BCKDHB: variants seen among roughly 807,000 people sequenced by gnomAD.
The protein encoded by BCKDHB is branched chain keto acid dehydrogenase E1 subunit beta, also known as 2-oxoisovalerate dehydrogenase subunit beta, mitochondrial.
BCKDHB carries 41 observed loss-of-function variants against 48.5 expected under a neutral mutation model. The ratio of observed to expected loss-of-function variants is 0.85; its 90% CI spans 0.66 to 1.10. The LOEUF (loss-of-function observed/expected upper bound fraction) is 1.10, where lower values mean the gene tolerates loss of function less well. Among genes scored for constraint, BCKDHB ranks in the 50% least tolerant of loss-of-function variants. BCKDHB has a pLI of 0.00. For missense variants in BCKDHB, 496 were observed against 494.2 expected (o/e 1.00, Z -0.03); for synonymous variants, 201 against 174.8 (o/e 1.15, Z -1.18).
chr6:80,229,873 GAA>G (rs546649501), intron 8 of BCKDHB, among the ~76,000 whole-genome samples: 147 of 151,864 alleles, frequency 9.7e-4, no homozygotes, highest in African/African-American at 3.5e-3. Flanking sequence ...TTACAAGAAA[GAA>G]AGACAGTGGA....
the BCKDHB span, among the ~76,000 whole-genome samples, chr6:80,415,719 G>A: frequency 6.6e-6 from 1 of 152,034 alleles, no homozygotes; most frequent in South Asian, 2.1e-4. Flanking sequence ...TAAGGGTATT[G>A]GCCTGAACGT....
chr6:80,428,195 C>A, the BCKDHB span, among the ~76,000 whole-genome samples: 1 of 152,152 alleles, frequency 6.6e-6, no homozygotes, highest in Admixed American at 6.5e-5. Context: ...CTGCAAAGGA[C>A]ATGAATTCAT....
At chr6:80,208,057 G>A (rs1774750382) in intron 8 of BCKDHB, among the ~76,000 whole-genome samples, 1 of 151,770 alleles carries the variant, frequency 6.6e-6, no homozygotes, top group South Asian at 2.1e-4. Context: ...TGTAGCATTT[G>A]TCAAAATTGG....
chr6:80,430,291 G>A, the BCKDHB span, among the ~76,000 whole-genome samples: 2,280 of 152,212 alleles, frequency 0.015, 51 homozygotes, highest in African/African-American at 0.05. Context: ...GGATTTCTGC[G>A]TTGATGTTCA....
intron 6 of BCKDHB, among the ~76,000 whole-genome samples, chr6:80,186,666 G>A (rs1262495827): frequency 2.6e-5 from 4 of 152,172 alleles, no homozygotes; most frequent in Non-Finnish European, 5.9e-5. Context: ...TCAGCTAGAA[G>A]CTTCTTTCAT....
chr6:80,397,417 G>A, the BCKDHB span, among the ~76,000 whole-genome samples: 12 of 152,244 alleles, frequency 7.9e-5, no homozygotes, highest in South Asian at 2.5e-3. Flanking sequence ...GTATGTGTGT[G>A]TGTTTTTCAA....
intron 1 of BCKDHB, among the ~76,000 whole-genome samples, chr6:80,111,536 T>A (rs1742175843): frequency 1.3e-5 from 2 of 152,216 alleles, no homozygotes; most frequent in African/African-American, 4.8e-5. Context: ...GTCTTTGTTG[T>A]GCAGATTATC....
intron 9 of BCKDHB, among the ~76,000 whole-genome samples, chr6:80,310,786 C>T (rs1383575264): frequency 6.6e-6 from 1 of 152,118 alleles, no homozygotes; most frequent in African/African-American, 2.4e-5. Context: ...TTAGTAGTAG[C>T]CATTCTGACT....
At chr6:80,398,930 C>T in the BCKDHB span, among the ~76,000 whole-genome samples, 1 of 152,030 alleles carries the variant, frequency 6.6e-6, no homozygotes, top group Non-Finnish European at 1.5e-5. Flanking sequence ...GGGATGGATG[C>T]ATGGTTGGTT....
At chr6:80,364,248 C>G in the BCKDHB span, among the ~76,000 whole-genome samples, 1 of 152,096 alleles carries the variant, frequency 6.6e-6, no homozygotes, top group Admixed American at 6.6e-5. Context: ...TGAATAGAAC[C>G]AACTGAGGAA....
intron 8 of BCKDHB, among the ~76,000 whole-genome samples, chr6:80,267,559 C>T (rs2127957763): frequency 6.6e-6 from 1 of 152,156 alleles, no homozygotes; most frequent in Non-Finnish European, 1.5e-5. Flanking sequence ...CCATCAATCA[C>T]ATTCAGAGTT....
chr6:80,222,712 A>G (rs2127865333), intron 8 of BCKDHB, among the ~76,000 whole-genome samples: 1 of 152,130 alleles, frequency 6.6e-6, no homozygotes, highest in East Asian at 1.9e-4. Flanking sequence ...ATCCTTATCT[A>G]TTTCTCTCTA....
chr6:80,437,698 G>T, the BCKDHB span, among the ~76,000 whole-genome samples: 30 of 152,196 alleles, frequency 2.0e-4, no homozygotes, highest in South Asian at 6.0e-3. Context: ...GATGCTCATG[G>T]TTTTCAGATG....
At chr6:80,390,480 A>G in the BCKDHB span, among the ~76,000 whole-genome samples, 1 of 152,226 alleles carries the variant, frequency 6.6e-6, no homozygotes, top group Non-Finnish European at 1.5e-5. Flanking sequence ...TTCTTTTGTT[A>G]AAAACATGTT....
intron 8 of BCKDHB, among the ~76,000 whole-genome samples, chr6:80,248,704 T>C (rs1002418906): frequency 1.3e-5 from 2 of 152,084 alleles, no homozygotes; most frequent in Non-Finnish European, 2.9e-5. Context: ...GTTTAAGGTA[T>C]CCAGTGGCTG....
At chr6:80,375,106 G>T in the BCKDHB span, among the ~76,000 whole-genome samples, 1 of 152,024 alleles carries the variant, frequency 6.6e-6, no homozygotes, top group African/African-American at 2.4e-5. Context: ...CTTTACTTTA[G>T]GTAACCTGAT....
At position 80,345,064 on chromosome 6, in the gene BCKDHB, A is replaced by T. The variant is rs890631250; in HGVS notation, c.*1260A>T. 6.6e-6 allele frequency: 1 copy of T among 152,222 alleles called. No individual in the cohort carries two copies. The highest frequency in any genetic ancestry group is 1.5e-5 in the Non-Finnish European group (1 of 68,044). 9.4% of individuals were successfully genotyped at this position (152,222 alleles called of 1,614,324 possible). ...TTTTTAACAAGTGAATATTTTTTAC[A>T]TAATGGATAATAAATGGTATTTATT... On this transcript the variant is annotated 3_prime_UTR_variant, in exon 10 of 10. Transcript: ENST00000320393.
chr6:80,110,184 G>A (rs1348545453), intron 1 of BCKDHB, among the ~76,000 whole-genome samples: 1 of 152,190 alleles, frequency 6.6e-6, no homozygotes, highest in African/African-American at 2.4e-5. Flanking sequence ...TCTGAGAACA[G>A]TTCATCCTGG....
the BCKDHB span, among the ~76,000 whole-genome samples, chr6:80,401,446 A>G: frequency 6.6e-6 from 1 of 151,644 alleles, no homozygotes; most frequent in Non-Finnish European, 1.5e-5. Flanking sequence ...CTCTTAGCAA[A>G]TGTTAAGTTA....
Sources: allele counts gnomAD v4.1 joint callset (sites outside exome capture counted in the v4.1 genomes callset), GRCh38; gene constraint gnomAD v4.1.1; transcripts MANE v1.5; gene names NCBI Gene and HGNC (gene_info 2026-07-23, HGNC 2026-07-21).